Variants in SLCO3A1 observed in about 807,000 individuals in gnomAD.
SLCO3A1 encodes PGE1 transporter.
In SLCO3A1, 27 loss-of-function variants were observed where a neutral mutation model predicts 63.1. That is an observed-to-expected ratio of 0.43 (90% CI 0.32 to 0.59). The LOEUF (loss-of-function observed/expected upper bound fraction) is 0.59. Among genes scored for constraint, SLCO3A1 ranks in the 20% least tolerant of loss-of-function variants. The pLI, the probability that SLCO3A1 is intolerant of heterozygous loss-of-function variation, is 0.09. For synonymous variants in SLCO3A1, 473 were observed against 409.9 expected, an observed-to-expected ratio of 1.15 and a Z score of -1.86; for missense variants, 773 against 945.8, an observed-to-expected ratio of 0.82 and a Z score of 2.40.
chr15:91,899,473 G>A (rs904518110), intron 1 of SLCO3A1, among the ~76,000 whole-genome samples: 1 of 152,108 alleles, frequency 6.6e-6, no homozygotes, highest in Non-Finnish European at 1.5e-5. Flanking sequence ...TCTATAAGAT[G>A]TATGTAGTTC....
intron 5 of SLCO3A1, among the ~76,000 whole-genome samples, chr15:92,122,384 C>T (rs2047873219): frequency 6.6e-6 from 1 of 152,212 alleles, no homozygotes; most frequent in African/African-American, 2.4e-5. Context: ...AATCTCCTGT[C>T]ATGTCACAAG....
chr15:92,062,781 T>C (rs556053585), intron 2 of SLCO3A1, among the ~76,000 whole-genome samples: 3 of 152,296 alleles, frequency 2.0e-5, no homozygotes, highest in Non-Finnish European at 2.9e-5. Flanking sequence ...GGTGTTATCA[T>C]TGTGGTCCCT....
At chr15:92,153,250 A>C (rs933408684) in intron 9 of SLCO3A1, among the ~76,000 whole-genome samples, 15 of 152,318 alleles carry the variant, frequency 9.8e-5, no homozygotes, top group African/African-American at 3.4e-4. Context: ...ACAAACAAAA[A>C]AAAAAAATCA....
chr15:91,871,464 A>G (rs1026064403), intron 1 of SLCO3A1, among the ~76,000 whole-genome samples: 15 of 152,214 alleles, frequency 9.9e-5, no homozygotes, highest in Non-Finnish European at 2.1e-4. Flanking sequence ...CATTCCTTGC[A>G]GCAGAGATGA....
rs114595641 is a variant in SLCO3A1 at position 92,132,906 on chromosome 15, C to A, written c.1512+4417C>A. Among the ~76,000 whole-genome samples, 5 of 145,966 alleles carry A rather than the reference C, an allele frequency of 3.4e-5. 1 individual carries two copies. Among genetic ancestry groups the A allele is most frequent in the African/African-American group, 1.2e-4 (5 of 40,312 alleles). ...TGGGAGCTTTTAAAACATGAGGCCC[C>A]ACTCTCAGAGATTCTGATTCCCTTA... On this transcript the variant is annotated intron_variant, in intron 7 of 9. Coordinates refer to ENST00000318445, the MANE Select transcript of SLCO3A1 (RefSeq NM_013272.4).
At chr15:91,989,688 A>G (rs28574918) in intron 2 of SLCO3A1, among the ~76,000 whole-genome samples, 16,961 of 152,226 alleles carry the variant, frequency 0.11, 1,654 homozygotes, top group African/African-American at 0.26. Flanking sequence ...TAGATTAATC[A>G]TTTCGTGGAA....
Position 92,120,544 on chromosome 15 carries a change from A to C in SLCO3A1, c.1089A>C (p.Ala363=). 2 of 1,613,278 alleles carry C rather than the reference A, an allele frequency of 1.2e-6. No individual in the cohort carries two copies. Among genetic ancestry groups the C allele is most frequent in the Non-Finnish European group, 8.5e-7 (1 of 1,179,566 alleles). The part of the protein sequence containing the change: ...CIILAACMEI[A]VVAGFAAFLG... ...TCCTGGCCGCCTGCATGGAGATTGC[A>C]GTGGTGGCTGGCTTCGCTGCCTTTT... is the stretch of plus-strand genomic sequence containing the variant. Residue 363 remains alanine (A), a synonymous_variant, in exon 5 of 10, where the codon GCA becomes GCC. Coordinates refer to ENST00000318445, the MANE Select transcript of SLCO3A1 (RefSeq NM_013272.4).
intron 7 of SLCO3A1, among the ~76,000 whole-genome samples, chr15:92,141,061 C>T (rs1007270051): frequency 6.6e-6 from 1 of 152,176 alleles, no homozygotes; most frequent in African/African-American, 2.4e-5. Context: ...ACAAACTTGT[C>T]AGGTCTGTTC....
rs2047924362 is a variant in SLCO3A1, at chr15:92,126,406, A to C, written c.1373+147A>C. ...CTCTGCATCTTACTGTCCACGTTGG[A>C]GAATCAGTAGAACCCTCTGGGCTGA... is the stretch of plus-strand genomic sequence containing the variant. On this transcript the variant is annotated intron_variant, in intron 6 of 9. Transcript: ENST00000318445. The C allele has an allele frequency of 3.4e-5, 22 of 650,414 alleles. No individual in the cohort carries two copies. In the South Asian group the frequency reaches 3.7e-4, roughly 11 times the overall value. The allele number at this position is 650,414 out of a possible 1,614,324, so 40.3% of individuals were successfully genotyped here.
intron 3 of SLCO3A1, among the ~76,000 whole-genome samples, chr15:92,100,433 C>G (rs1183466831): frequency 1.3e-5 from 2 of 152,338 alleles, no homozygotes; most frequent in East Asian, 3.9e-4. Context: ...TATTCAACAT[C>G]TTTCTTCATC....
chr15:92,023,012 G>A (rs568531253), intron 2 of SLCO3A1, among the ~76,000 whole-genome samples: 219 of 152,304 alleles, frequency 1.4e-3, no homozygotes, highest in African/African-American at 5.1e-3. Context: ...TGAGTGGATG[G>A]TTATGCCAGC....
chr15:92,129,623 A>G (rs1990230), intron 7 of SLCO3A1, among the ~76,000 whole-genome samples: 9,907 of 152,278 alleles, frequency 0.065, 485 homozygotes, highest in Admixed American at 0.18. Flanking sequence ...GAAGTACTCC[A>G]TGAATGTCTG....
chr15:92,044,216 C>T (rs2151489957), intron 2 of SLCO3A1, among the ~76,000 whole-genome samples: 1 of 152,214 alleles, frequency 6.6e-6, no homozygotes, highest in Middle Eastern at 3.4e-3. Context: ...GGCTTCCCTC[C>T]TATCTCAGTG....
Position 92,158,597 on chromosome 15 carries a change from A to G in SLCO3A1, c.1754-4159A>G, listed in dbSNP as rs535206963. Among the ~76,000 whole-genome samples, 4 of 152,302 alleles carry G rather than the reference A, an allele frequency of 2.6e-5. No homozygotes were observed. In the East Asian group the frequency reaches 5.8e-4, roughly 22 times the overall value. ...CACTGTCACAGTCTCCCATTTGTCT[A>G]TGGGGAACCAGCTCCTTGCAGGGAC... On this transcript the variant is annotated intron_variant, in intron 9 of 9. Transcript: ENST00000318445.
At chr15:91,945,949 G>C (rs1386698677) in intron 2 of SLCO3A1, among the ~76,000 whole-genome samples, 4 of 152,214 alleles carry the variant, frequency 2.6e-5, no homozygotes, top group East Asian at 1.9e-4. Flanking sequence ...ATAATGCCTA[G>C]AGCTTTTCAC....
chr15:92,154,355 A>T (rs148893200), intron 9 of SLCO3A1, among the ~76,000 whole-genome samples: 2,745 of 152,324 alleles, frequency 0.018, 70 homozygotes, highest in African/African-American at 0.062. Context: ...GGAGTGGTGT[A>T]GACCAGCGCT....
chr15:91,983,290 G>C (rs935467207), intron 2 of SLCO3A1, among the ~76,000 whole-genome samples: 1 of 152,158 alleles, frequency 6.6e-6, no homozygotes, highest in Admixed American at 6.5e-5. Context: ...TAACAAGAAG[G>C]CTTGGTGCAT....
At chr15:92,126,673 C>T (rs909967875) in intron 6 of SLCO3A1, among the ~76,000 whole-genome samples, 1 of 152,080 alleles carries the variant, frequency 6.6e-6, no homozygotes, top group African/African-American at 2.4e-5. Flanking sequence ...AGGATCTGGC[C>T]CATGGCAGGT....
At chr15:91,939,237 A>T (rs1335929366) in intron 2 of SLCO3A1, among the ~76,000 whole-genome samples, 1 of 152,060 alleles carries the variant, frequency 6.6e-6, no homozygotes, top group Non-Finnish European at 1.5e-5. Context: ...GAGAGAGAGA[A>T]TTGGGAGGTG....
Sources: gnomAD v4.1 joint callset for allele counts (sites outside exome capture counted in the v4.1 genomes callset) on GRCh38, gnomAD v4.1.1 for gene constraint, MANE v1.5 for transcripts, NCBI Gene and HGNC (gene_info 2026-07-23, HGNC 2026-07-21) for gene names.